The following CHN1 variants were observed in gnomAD, a reference collection of about 807,000 sequenced individuals.
The protein encoded by CHN1 is N-chimaerin.
CHN1 carries 37 observed loss-of-function variants against 59.5 expected under a neutral mutation model. The ratio of observed to expected loss-of-function variants is 0.62; its 90% CI spans 0.48 to 0.82. CHN1 has a LOEUF of 0.82. Ranked by LOEUF, CHN1 falls within the 40% of genes least tolerant of loss-of-function variation. The pLI, the probability that CHN1 is intolerant of heterozygous loss-of-function variation, is 0.00. For synonymous variants in CHN1, 206 were observed against 200.4 expected, an observed-to-expected ratio of 1.03 and a Z score of -0.24; for missense variants, 469 against 571.0, an observed-to-expected ratio of 0.82 and a Z score of 1.82.
At chr2:174,934,295 T>G (rs1689435750) in intron 3 of CHN1, among the ~76,000 whole-genome samples, 1 of 152,210 alleles carries the variant, frequency 6.6e-6, no homozygotes, top group African/African-American at 2.4e-5. Flanking sequence ...AGGCATTAGA[T>G]TTTCATAAGA....
Position 174,888,412 on chromosome 2 carries a change from C to T in CHN1, c.261-10284G>A, listed in dbSNP as rs559187491. On this transcript the variant is annotated intron_variant, in intron 5 of 12. Coordinates refer to ENST00000409900, the MANE Select transcript of CHN1 (RefSeq NM_001822.7). ...AAGGATGACAAGAACCATAAGGCGGCGATTGTAGCCTGGGGATAACATGAA... is the reference window on the plus strand; with the variant it reads ...AAGGATGACAAGAACCATAAGGCGGTGATTGTAGCCTGGGGATAACATGAA... Among the ~76,000 whole-genome samples, 8 of 152,150 alleles carry T rather than the reference C, an allele frequency of 5.3e-5. No individual in the cohort carries two copies. In the South Asian group the frequency reaches 1.2e-3, roughly 24 times the overall value.
At chr2:174,929,029 CA>C (rs769206511) in intron 3 of CHN1, among the ~76,000 whole-genome samples, 12 of 152,144 alleles carry the variant, frequency 7.9e-5, no homozygotes, top group Non-Finnish European at 1.8e-4. Flanking sequence ...GAAACTTACA[CA>C]GATTGTTTTA....
At chr2:174,923,048 G>A (rs767911016) in intron 3 of CHN1, among the ~76,000 whole-genome samples, 5 of 152,134 alleles carry the variant, frequency 3.3e-5, no homozygotes, top group Non-Finnish European at 5.9e-5. Flanking sequence ...GGCATAAAAG[G>A]AACTTCAATC....
At chr2:174,874,835 T>A (rs1435370880) in intron 6 of CHN1, among the ~76,000 whole-genome samples, 2 of 151,686 alleles carry the variant, frequency 1.3e-5, no homozygotes, top group Non-Finnish European at 2.9e-5. Context: ...AGAAGGCCTA[T>A]AGAAAGGATC....
intron 5 of CHN1, among the ~76,000 whole-genome samples, chr2:174,885,044 T>C (rs920676102): frequency 1.3e-5 from 2 of 151,868 alleles, no homozygotes; most frequent in African/African-American, 2.4e-5. Context: ...TCCCAGCACT[T>C]TGGGAGGCCA....
intron 1 of CHN1, among the ~76,000 whole-genome samples, chr2:174,962,416 T>G (rs1006889369): frequency 1.6e-4 from 24 of 152,132 alleles, no homozygotes; most frequent in African/African-American, 5.6e-4. Flanking sequence ...TATCCAGGGC[T>G]AATACTCCGA....
chr2:174,910,688 A>C lies in CHN1; in HGVS notation c.260+4370T>G, dbSNP rs527823820. ...CTGAATGGGTTATGATTGCATTTAT[A>C]CCCATAAATTGTTTGGGTTTTTATC... On this transcript the variant is annotated intron_variant, in intron 5 of 12. Transcript: ENST00000409900. Among the ~76,000 whole-genome samples, 15 of 152,302 alleles carry C rather than the reference A, an allele frequency of 9.8e-5. No individual in the cohort carries two copies. In the East Asian group the frequency reaches 2.3e-3, roughly 24 times the overall value.
At chr2:174,930,136 A>G (rs1002453045) in intron 3 of CHN1, among the ~76,000 whole-genome samples, 1 of 152,206 alleles carries the variant, frequency 6.6e-6, no homozygotes, top group Non-Finnish European at 1.5e-5. Context: ...CAGCAGATAT[A>G]CTTGTGGCTC....
intron 5 of CHN1, among the ~76,000 whole-genome samples, chr2:174,882,284 G>T (rs1387487200): frequency 1.3e-5 from 2 of 152,196 alleles, no homozygotes; most frequent in Non-Finnish European, 2.9e-5. Flanking sequence ...TTTCTCCAGT[G>T]ATTCCAGGTT....
At chr2:174,946,323 T>G (rs1047121202) in intron 2 of CHN1, among the ~76,000 whole-genome samples, 2 of 152,156 alleles carry the variant, frequency 1.3e-5, no homozygotes, top group Admixed American at 6.6e-5. Flanking sequence ...ACTTGATTAC[T>G]AGGATGCATC....
chr2:174,962,156 G>A lies in CHN1; in HGVS notation c.20-9954C>T, dbSNP rs183856415. 6.9e-3 allele frequency among the ~76,000 whole-genome samples: 1,051 copies of A among 152,066 alleles called. 16 individuals are homozygous for A. Among genetic ancestry groups the A allele is most frequent in the African/African-American group, 0.024 (1,004 of 41,452 alleles). On this transcript the variant is annotated intron_variant, in intron 1 of 12. Coordinates refer to ENST00000409900, the MANE Select transcript of CHN1 (RefSeq NM_001822.7). Reference sequence around the variant, plus strand: ...GAAAATTAGCCGGGCGGGGTGGCGCGCGCCTATAATCCCAGCTACTCAGGA... The same window carrying A: ...GAAAATTAGCCGGGCGGGGTGGCGCACGCCTATAATCCCAGCTACTCAGGA...
intron 7 of CHN1, chr2:174,846,335 A>G: frequency 6.5e-7 from 1 of 1,549,412 alleles, no homozygotes; most frequent in East Asian, 2.4e-5. Context: ...CAAATACTCA[A>G]AAAGTGAGGA....
At chr2:174,972,659 T>G (rs1690796326) in intron 1 of CHN1, among the ~76,000 whole-genome samples, 1 of 152,108 alleles carries the variant, frequency 6.6e-6, no homozygotes, top group Admixed American at 6.5e-5. Context: ...AAGTGAGATC[T>G]TGGAACTGTC....
intron 5 of CHN1, among the ~76,000 whole-genome samples, chr2:174,905,780 G>A (rs977262519): frequency 2.6e-5 from 4 of 151,974 alleles, no homozygotes; most frequent in African/African-American, 4.8e-5. Context: ...GGATGGTCTC[G>A]ATCTCCTGAC....
At chr2:174,963,777 A>G (rs915984035) in intron 1 of CHN1, among the ~76,000 whole-genome samples, 7 of 152,178 alleles carry the variant, frequency 4.6e-5, no homozygotes, top group African/African-American at 1.7e-4. Flanking sequence ...AAACCAGGCA[A>G]CAGGAAAGCC....
At chr2:174,958,656 T>C (rs1374701437) in intron 1 of CHN1, among the ~76,000 whole-genome samples, 1 of 152,228 alleles carries the variant, frequency 6.6e-6, no homozygotes, top group Non-Finnish European at 1.5e-5. Flanking sequence ...TTAGAAAATT[T>C]ACTACCTCTC....
intron 7 of CHN1, among the ~76,000 whole-genome samples, chr2:174,835,171 T>C (rs1260648158): frequency 6.6e-6 from 1 of 152,198 alleles, no homozygotes; most frequent in Non-Finnish European, 1.5e-5. Flanking sequence ...TCCAGGACTG[T>C]ACTGAATGAA....
chr2:174,834,239 G>T (rs12995031), intron 7 of CHN1, among the ~76,000 whole-genome samples: 45,302 of 152,038 alleles, frequency 0.3, 8,158 homozygotes, highest in South Asian at 0.46. Flanking sequence ...CATACATTTT[G>T]CTTGTATAAA....
At chr2:174,844,504 G>A (rs995648290) in intron 7 of CHN1, among the ~76,000 whole-genome samples, 3 of 152,200 alleles carry the variant, frequency 2.0e-5, no homozygotes, top group Non-Finnish European at 2.9e-5. Flanking sequence ...GAGTGGGCCC[G>A]TGGTTATACA....
Sources: gnomAD v4.1 joint callset for allele counts (sites outside exome capture counted in the v4.1 genomes callset) on GRCh38, gnomAD v4.1.1 for gene constraint, MANE v1.5 for transcripts, NCBI Gene and HGNC (gene_info 2026-07-23, HGNC 2026-07-21) for gene names.